The following GIP variants were observed in gnomAD, a reference collection of about 807,000 sequenced individuals.
The protein encoded by GIP is gastric inhibitory polypeptide.
A neutral mutation model predicts 18.1 loss-of-function variants in GIP; 16 were observed. That is an observed-to-expected ratio of 0.88 (90% CI 0.60 to 1.34). GIP has a LOEUF of 1.34. Among genes scored for constraint, GIP ranks in the 40% most tolerant of loss-of-function variants. The pLI is 0.00. For synonymous variants in GIP, 76 were observed against 74.0 expected (o/e 1.03, Z -0.14); for missense variants, 192 against 183.4 (o/e 1.05, Z -0.27).
intron 2 of GIP, among the ~76,000 whole-genome samples, chr17:48,964,788 G>A (rs1286726233): frequency 6.6e-6 from 1 of 152,108 alleles, no homozygotes; most frequent in Non-Finnish European, 1.5e-5. Context: ...CTGAGGTCGG[G>A]ATCGAGACCA....
intron 2 of GIP, among the ~76,000 whole-genome samples, chr17:48,964,982 A>G (rs1241733251): frequency 6.6e-6 from 1 of 151,456 alleles, no homozygotes; most frequent in African/African-American, 2.4e-5. Flanking sequence ...TACTAAAAAT[A>G]CAAAAAATTA....
intron 1 of GIP, 110 bp from the exon 2 acceptor site, chr17:48,967,363 T>C (rs573989884): frequency 3.0e-4 from 65 of 216,568 alleles, no homozygotes; most frequent in East Asian, 2.4e-3. Flanking sequence ...CTTTTTCTTT[T>C]TTTTTTTTTT....
chr17:48,966,669 T>G (rs1362869784), intron 2 of GIP, among the ~76,000 whole-genome samples: 1 of 151,750 alleles, frequency 6.6e-6, no homozygotes, highest in Non-Finnish European at 1.5e-5. Flanking sequence ...TAGCCGAGCG[T>G]GGTGGTACAT....
chr17:48,963,724 C>T (rs1200350530), intron 3 of GIP, among the ~76,000 whole-genome samples: 1 of 150,330 alleles, frequency 6.7e-6, no homozygotes, highest in Non-Finnish European at 1.5e-5. Context: ...ATCCTAGCTA[C>T]TCGGGAGGCT....
intron 3 of GIP, 151 bp downstream of exon 3, chr17:48,964,159 C>CAAAAA (rs11380752): frequency 2.0e-5 from 7 of 357,596 alleles, no homozygotes; most frequent in South Asian, 4.1e-5. Context: ...GACTCCATCT[C>CAAAAA]AAAAAAAAAA....
At chr17:48,961,133 G>A in intron 4 of GIP, 146 bp from the exon 5 acceptor site, 2 of 599,284 alleles carry the variant, frequency 3.3e-6, no homozygotes, top group Non-Finnish European at 5.9e-6. Flanking sequence ...TCAGCTCTGA[G>A]ATCTGGAGCC....
At chr17:48,961,404 G>C (rs2041199981) in intron 4 of GIP, among the ~76,000 whole-genome samples, 1 of 152,162 alleles carries the variant, frequency 6.6e-6, no homozygotes, top group Non-Finnish European at 1.5e-5. Context: ...TTGGCAGGGA[G>C]AGGTGGTGAG....
At chr17:48,967,095 G>A in intron 2 of GIP, 52 bp downstream of exon 2, 1 of 1,324,838 alleles carries the variant, frequency 7.5e-7, no homozygotes, top group East Asian at 2.3e-5. Context: ...TCCAGAACCT[G>A]TCATCCCCTA....
chr17:48,958,947 T>C (rs1057076757), intron 5 of GIP, among the ~76,000 whole-genome samples: 9 of 151,184 alleles, frequency 6.0e-5, no homozygotes, highest in Non-Finnish European at 1.0e-4. Flanking sequence ...CTCCACCTCC[T>C]GGGTTCACGC....
chr17:48,961,628 C>T (rs891223369), intron 4 of GIP, 99 bp downstream of exon 4: 11 of 727,012 alleles, frequency 1.5e-5, no homozygotes, highest in African/African-American at 1.0e-4. Context: ...ATGCTTATCT[C>T]AGGTCCTTGC....
Position 48,964,424 on chromosome 17 carries a change from C to CCCCT in GIP, c.142_143insAGGG (p.Arg48GlnfsTer14). ...AGTCCCTTCCGCGTACCTGGGGCCT[C>CCCCT]GAGGTTGAGGGCTGCTCACCTTAGC... On this transcript the variant is annotated frameshift_variant, in exon 3 of 6. Transcript: ENST00000357424. LOFTEE classifies it high-confidence loss of function. The CCCCT allele has an allele frequency of 6.2e-7, 1 of 1,613,948 alleles. No individual in the cohort carries two copies. Among genetic ancestry groups the CCCCT allele is most frequent in the Non-Finnish European group, 8.5e-7 (1 of 1,179,960 alleles).
In GIP at chr17:48,961,740, C is replaced by T. The variant is rs779303928; in HGVS notation, c.337G>A (p.Val113Met). Residue 113 changes from valine (V) to methionine (M), a missense_variant, in exon 4 of 6, where the codon GTG becomes ATG. By Grantham distance (21) the Val-to-Met change is conservative (BLOSUM62 1). Coordinates refer to ENST00000357424, the MANE Select transcript of GIP (RefSeq NM_004123.3). ...GCCCTGACTCACCTCTGTGGCTCCA[C>T]TGCCTCCTCCTCCTTCCTATTAGCT... is the stretch of plus-strand genomic sequence containing the variant. ...SQANRKEEEA[V>M]EPQSSPAKNP... The T allele has an allele frequency of 2.5e-6, 4 of 1,609,992 alleles. No individual in the cohort carries two copies. The Admixed American group carries it at 6.7e-5, about 27-fold the overall frequency.
chr17:48,961,109 A>G (rs4794004), intron 4 of GIP, 122 bp from the exon 5 acceptor site: 296,000 of 617,918 alleles, frequency 0.48, 75,313 homozygotes, highest in African/African-American at 0.8. Flanking sequence ...CGACACAGCT[A>G]TCTCTCCGTT....
intron 3 of GIP, 36 bp from the exon 4 acceptor site, chr17:48,961,855 G>A (rs181740557): frequency 4.5e-5 from 64 of 1,421,864 alleles, no homozygotes; most frequent in South Asian, 3.1e-4. Flanking sequence ...GGCAAGCTGC[G>A]GAGACTCCAG....
chr17:48,968,009 G>T (rs542929397), intron 1 of GIP, among the ~76,000 whole-genome samples: 1 of 151,912 alleles, frequency 6.6e-6, no homozygotes, highest in Non-Finnish European at 1.5e-5. Context: ...CCGAGATTGC[G>T]CCAGTGCACT....
At chr17:48,963,812 G>A (rs1464726444) in intron 3 of GIP, among the ~76,000 whole-genome samples, 2 of 109,388 alleles carry the variant, frequency 1.8e-5, no homozygotes, top group Admixed American at 1.3e-4. Flanking sequence ...TTGCACTCCA[G>A]CCTGGGCAAC....
intron 5 of GIP, among the ~76,000 whole-genome samples, chr17:48,958,924 G>T (rs2041184057): frequency 6.7e-6 from 1 of 149,974 alleles, no homozygotes; most frequent in South Asian, 2.1e-4. Flanking sequence ...GCGCGATCTC[G>T]GCTCACCGCA....
chr17:48,964,482 T>C lies in GIP; in HGVS notation c.87-2A>G, dbSNP rs1362004008. On this transcript the variant is annotated splice_acceptor_variant, in intron 2 of 5. Coordinates refer to ENST00000357424, the MANE Select transcript of GIP (RefSeq NM_004123.3). LOFTEE classifies it high-confidence loss of function. ...CCAACAGGCAGGGAGGGGAGAGCGC[T>C]GGAAACAAGGGTGCGGAGAAGGGGC... 1 of 1,613,398 alleles carries C rather than the reference T, an allele frequency of 6.2e-7. No homozygotes were observed. The highest frequency in any genetic ancestry group is 1.1e-5 in the South Asian group (1 of 91,014).
At position 48,968,523 on chromosome 17, in the gene GIP, TC is replaced by T. The variant is rs1331139724; in HGVS notation, c.-29del. On this transcript the variant is annotated 5_prime_UTR_variant, in exon 1 of 6. Transcript: ENST00000357424. ...CTGTCTCCACTTCTCTTACCAGACTTCCTTTCCAGCTCTTCCAGAAGAAGGA... is the reference window on the plus strand; with the variant it reads ...CTGTCTCCACTTCTCTTACCAGACTTCTTTCCAGCTCTTCCAGAAGAAGGA... The T allele has an allele frequency of 1.3e-5, 2 of 152,186 alleles. No individual in the cohort carries two copies. The highest frequency in any genetic ancestry group is 2.4e-5 in the African/African-American group (1 of 41,444). The allele number at this position is 152,186 out of a possible 1,614,324, so 9.4% of individuals were successfully genotyped here. A position where few individuals can be genotyped will look rare whatever the true frequency, so the allele number is the denominator to read the frequency against.
Sources: gnomAD v4.1 joint callset for allele counts (sites outside exome capture counted in the v4.1 genomes callset) on GRCh38, gnomAD v4.1.1 for gene constraint, MANE v1.5 for transcripts, NCBI Gene and HGNC (gene_info 2026-07-23, HGNC 2026-07-21) for gene names.